The following PLAC1 variants were observed in gnomAD, a reference collection of about 807,000 sequenced individuals.
PLAC1 encodes the protein placenta associated 1, also known as placenta-specific protein 1.
For missense variants in PLAC1, 136 were observed against 163.2 expected (o/e 0.83, Z 0.91); for synonymous variants, 68 against 62.1 (o/e 1.09, Z -0.44).
At chrX:134,693,201 T>C (rs2078550238) in intron 2 of PLAC1, among the ~76,000 whole-genome samples, 1 of 111,217 alleles carries the variant, frequency 9.0e-6, no homozygotes, top group African/African-American at 3.3e-5. Context: ...CATCCATGTC[T>C]TGGCTTTCTC....
chrX:134,738,446 A>C (rs1040742695), intron 1 of PLAC1, among the ~76,000 whole-genome samples: 1 of 112,164 alleles, frequency 8.9e-6, no homozygotes, highest in Non-Finnish European at 1.9e-5. Flanking sequence ...TACACTGTTC[A>C]TAGGGTTCAA....
In PLAC1 at chrX:134,617,848, G is replaced by A. The variant is rs146792900; in HGVS notation, c.-130-15726C>T. Among the ~76,000 whole-genome samples, 117 of 112,017 alleles carry A rather than the reference G, an allele frequency of 1.0e-3. No homozygotes were observed. In the East Asian group the frequency reaches 0.029, roughly 28 times the overall value. On this transcript the variant is annotated intron_variant, in intron 1 of 2. Coordinates refer to ENST00000359237, the MANE Select transcript of PLAC1 (RefSeq NM_021796.4). ...CAATAAACATTTCCTGCTAACACAC[G>A]AATTTTACTTATTTACAAACCACTG...
intron 2 of PLAC1, among the ~76,000 whole-genome samples, chrX:134,668,155 G>A (rs749444006): frequency 5.4e-5 from 6 of 112,082 alleles, no homozygotes; most frequent in Non-Finnish European, 1.1e-4. Flanking sequence ...CCATAAACAG[G>A]AATGAAGGAC....
At chrX:134,590,300 T>C (rs1293591459) in intron 2 of PLAC1, among the ~76,000 whole-genome samples, 3 of 111,891 alleles carry the variant, frequency 2.7e-5, no homozygotes, top group Non-Finnish European at 5.6e-5. Context: ...CAGGGTCTTA[T>C]TACCTGGCTT....
chrX:134,740,361 A>G (rs1315405284), intron 1 of PLAC1, among the ~76,000 whole-genome samples: 1 of 110,358 alleles, frequency 9.1e-6, no homozygotes, highest in Non-Finnish European at 1.9e-5. Context: ...ACTATACTGC[A>G]ATGAGAGTGA....
Position 134,566,591 on chromosome X carries a change from GAGCAC to G in PLAC1, c.87_91del (p.Cys30HisfsTer23). On this transcript the variant is annotated frameshift_variant, in exon 3 of 3. Coordinates refer to ENST00000359237, the MANE Select transcript of PLAC1 (RefSeq NM_021796.4). LOFTEE classifies it low-confidence loss of function (END_TRUNC). The stretch of plus-strand genomic sequence containing the variant: ...CACTGTGACCATGAACCAGTCTATG[GAGCAC>G]AGCACAGTCATTGGACTTTGTCCTG... The G allele has an allele frequency of 8.3e-7, 1 of 1,210,626 alleles. No individual in the cohort carries two copies. Among genetic ancestry groups the G allele is most frequent in the South Asian group, 1.8e-5 (1 of 56,972 alleles).
intron 1 of PLAC1, among the ~76,000 whole-genome samples, chrX:134,621,054 C>T (rs1054779793): frequency 1.8e-5 from 2 of 111,668 alleles, no homozygotes; most frequent in East Asian, 5.6e-4. Context: ...TCCTTCTCCC[C>T]TCTCCTCTTG....
chrX:134,651,993 AG>A (rs1218692363), intron 1 of PLAC1, among the ~76,000 whole-genome samples: 1 of 111,740 alleles, frequency 8.9e-6, no homozygotes, highest in African/African-American at 3.3e-5. Flanking sequence ...TGTGTGTATG[AG>A]TATCCCAGAC....
intron 1 of PLAC1, among the ~76,000 whole-genome samples, chrX:134,643,932 GAATAAT>G (rs59970411): frequency 9.0e-5 from 9 of 100,488 alleles, no homozygotes; most frequent in African/African-American, 2.5e-4. Flanking sequence ...TGTAAAAGAG[GAATAAT>G]AATAATAATA....
At chrX:134,699,002 C>A (rs1307518354) in intron 2 of PLAC1, among the ~76,000 whole-genome samples, 1 of 111,205 alleles carries the variant, frequency 9.0e-6, no homozygotes, top group Non-Finnish European at 1.9e-5. Flanking sequence ...TTGAATCTAT[C>A]AAGTCTTTTC....
chrX:134,620,588 C>T (rs1438702436), intron 1 of PLAC1, among the ~76,000 whole-genome samples: 2 of 111,818 alleles, frequency 1.8e-5, no homozygotes, highest in African/African-American at 6.5e-5. Flanking sequence ...GCACTGCATG[C>T]GGAGCCCCTA....
upstream of PLAC1, among the ~76,000 whole-genome samples, chrX:134,659,511 G>A (rs1254449213): frequency 9.0e-6 from 1 of 111,039 alleles, no homozygotes; most frequent in Non-Finnish European, 1.9e-5. Context: ...GTCAGTAGTG[G>A]TAAGTGCTGG....
chrX:134,585,277 G>T (rs1047224232), intron 2 of PLAC1, among the ~76,000 whole-genome samples: 1 of 109,410 alleles, frequency 9.1e-6, no homozygotes, highest in Non-Finnish European at 1.9e-5. Context: ...ACCCCAGGAG[G>T]TGGAGGTTGC....
At chrX:134,675,116 A>G (rs999062028) in intron 2 of PLAC1, among the ~76,000 whole-genome samples, 1 of 112,181 alleles carries the variant, frequency 8.9e-6, no homozygotes, top group African/African-American at 3.2e-5. Flanking sequence ...TCTGGAGTCT[A>G]GGATCAGTGG....
chrX:134,566,821 G>T, intron 2 of PLAC1, 81 bp from the exon 3 acceptor site: 1 of 475,967 alleles, frequency 2.1e-6, no homozygotes, highest in Non-Finnish European at 3.5e-6. Context: ...TTAAGCAAAG[G>T]GCTGTTCCTA....
At chrX:134,730,557 G>A (rs988786024) in intron 2 of PLAC1, among the ~76,000 whole-genome samples, 25 of 110,741 alleles carry the variant, frequency 2.3e-4, no homozygotes, top group African/African-American at 5.6e-4. Flanking sequence ...CGATCCTCCC[G>A]CCTCAGCCTC....
At chrX:134,661,582 T>G (rs1431414693), upstream of PLAC1, among the ~76,000 whole-genome samples, 1 of 112,354 alleles carries the variant, frequency 8.9e-6, no homozygotes, top group African/African-American at 3.2e-5. Flanking sequence ...TTAAATAGTT[T>G]TCATTATTTG....
At chrX:134,590,011 T>G (rs113216562) in intron 2 of PLAC1, among the ~76,000 whole-genome samples, 1 of 93,707 alleles carries the variant, frequency 1.1e-5, no homozygotes, top group Non-Finnish European at 2.1e-5. Context: ...CTGGCTAACA[T>G]GGTGAAAACC....
At chrX:134,721,141 AAG>A (rs1394165376) in intron 2 of PLAC1, among the ~76,000 whole-genome samples, 1 of 113,006 alleles carries the variant, frequency 8.8e-6, no homozygotes, top group Non-Finnish European at 1.9e-5. Flanking sequence ...AAAGAATCTG[AAG>A]AGTCATTTCT....
Sources: gnomAD v4.1 joint callset for allele counts (sites outside exome capture counted in the v4.1 genomes callset) on GRCh38, gnomAD v4.1.1 for gene constraint, MANE v1.5 for transcripts, NCBI Gene and HGNC (gene_info 2026-07-23, HGNC 2026-07-21) for gene names.